The following SLC38A4 variants were observed in gnomAD, a reference collection of about 807,000 sequenced individuals.
SLC38A4 encodes the protein solute carrier family 38 member 4.
In SLC38A4, 20 loss-of-function variants were observed where a neutral mutation model predicts 63.1. That is an observed-to-expected ratio of 0.32 (90% CI 0.22 to 0.46). The LOEUF is 0.46. Among genes scored for constraint, SLC38A4 ranks in the 20% least tolerant of loss-of-function variants. The probability of loss-of-function intolerance (pLI) is 1.00; values close to 1 mark genes in which losing one functional copy is unlikely to be tolerated. For synonymous variants in SLC38A4, 230 were observed against 225.5 expected, an observed-to-expected ratio of 1.02 and a Z score of -0.18; for missense variants, 526 against 663.6, an observed-to-expected ratio of 0.79 and a Z score of 2.28.
intron 2 of SLC38A4, among the ~76,000 whole-genome samples, chr12:46,802,652 T>C (rs548828562): frequency 6.6e-6 from 1 of 152,096 alleles, no homozygotes; most frequent in African/African-American, 2.4e-5. Context: ...AACTATAAAC[T>C]AAATGGCAAT....
At chr12:46,789,632 G>T (rs74474114) in intron 3 of SLC38A4, among the ~76,000 whole-genome samples, 9,388 of 152,192 alleles carry the variant, frequency 0.062, 577 homozygotes, top group East Asian at 0.26. Context: ...ACTGCAAAAT[G>T]TCACAGACTT....
At chr12:46,783,771 A>G (rs1938699287) in intron 7 of SLC38A4, among the ~76,000 whole-genome samples, 2 of 151,972 alleles carry the variant, frequency 1.3e-5, no homozygotes, top group African/African-American at 4.8e-5. Context: ...GGGACTGGGT[A>G]GGAGGTGAGG....
At chr12:46,772,768 GC>G (rs1938445020) in intron 14 of SLC38A4, among the ~76,000 whole-genome samples, 1 of 152,046 alleles carries the variant, frequency 6.6e-6, no homozygotes, top group Admixed American at 6.6e-5. Flanking sequence ...AAGAAAGAGA[GC>G]CCAGTTACCA....
intron 16 of SLC38A4, among the ~76,000 whole-genome samples, chr12:46,767,274 C>T (rs1592172328): frequency 6.6e-6 from 1 of 151,952 alleles, no homozygotes; most frequent in East Asian, 1.9e-4. Context: ...ATAATATACA[C>T]ACACATATAT....
chr12:46,790,462 A>G (rs572671116), intron 3 of SLC38A4, among the ~76,000 whole-genome samples: 25 of 152,246 alleles, frequency 1.6e-4, no homozygotes, highest in African/African-American at 5.8e-4. Context: ...TCTGTAATTA[A>G]TGTACCTGCT....
At chr12:46,827,322 G>A (rs1179877762), upstream of SLC38A4, among the ~76,000 whole-genome samples, 1 of 152,118 alleles carries the variant, frequency 6.6e-6, no homozygotes, top group East Asian at 1.9e-4. Context: ...GCTTTGGGTG[G>A]TAGAAGTAAT....
At chr12:46,815,648 C>G (rs936586055) in intron 1 of SLC38A4, among the ~76,000 whole-genome samples, 1 of 151,702 alleles carries the variant, frequency 6.6e-6, no homozygotes, top group Non-Finnish European at 1.5e-5. Flanking sequence ...TTAAGGGAAT[C>G]TATTCATAAG....
upstream of SLC38A4, among the ~76,000 whole-genome samples, chr12:46,828,999 T>G (rs754610571): frequency 6.6e-6 from 1 of 152,180 alleles, no homozygotes; most frequent in Non-Finnish European, 1.5e-5. Context: ...GTTGTCTTTA[T>G]TTTACTGCTG....
At chr12:46,832,337 T>C (rs1209766188) in exon 1 of SLC38A4, 1 of 152,188 alleles carries the variant, frequency 6.6e-6, no homozygotes, top group Non-Finnish European at 1.5e-5. Flanking sequence ...CCGCCTCTTT[T>C]ACTACCCTTT....
intron 1 of SLC38A4, among the ~76,000 whole-genome samples, chr12:46,805,209 A>G (rs1262434713): frequency 6.6e-6 from 1 of 151,984 alleles, no homozygotes; most frequent in Non-Finnish European, 1.5e-5. Context: ...AAGTATAGTA[A>G]ATAATTATAG....
chr12:46,810,159 G>T (rs1396634520), intron 1 of SLC38A4, among the ~76,000 whole-genome samples: 2 of 152,084 alleles, frequency 1.3e-5, no homozygotes, highest in East Asian at 3.9e-4. Context: ...GCTTTAGAGA[G>T]AGCTACCTTA....
At chr12:46,828,045 C>T (rs895742314), upstream of SLC38A4, among the ~76,000 whole-genome samples, 8 of 152,148 alleles carry the variant, frequency 5.3e-5, no homozygotes, top group African/African-American at 1.4e-4. Context: ...CCTCCCCAGC[C>T]TCCTCCCAAG....
At chr12:46,808,124 A>G (rs747148293) in intron 1 of SLC38A4, among the ~76,000 whole-genome samples, 1 of 152,006 alleles carries the variant, frequency 6.6e-6, no homozygotes, top group Non-Finnish European at 1.5e-5. Flanking sequence ...ATCTTAACAC[A>G]CATACAATAC....
chr12:46,821,992 T>C (rs1013497920), intron 1 of SLC38A4, among the ~76,000 whole-genome samples: 4 of 152,192 alleles, frequency 2.6e-5, no homozygotes, highest in Non-Finnish European at 4.4e-5. Context: ...TGTCAACATA[T>C]AGAAATCTAA....
upstream of SLC38A4, among the ~76,000 whole-genome samples, chr12:46,828,926 A>G (rs1329089515): frequency 6.6e-6 from 1 of 152,158 alleles, no homozygotes; most frequent in Admixed American, 6.5e-5. Context: ...CTCACACCAT[A>G]CTGTGTTATG....
In SLC38A4 at chr12:46,783,272, GATAA is replaced by G. The variant is rs1286497947; in HGVS notation, c.493+1266_493+1269del. On this transcript the variant is annotated intron_variant, in intron 7 of 16. Coordinates refer to ENST00000266579, the MANE Select transcript of SLC38A4 (RefSeq NM_018018.5). ...AGATAGATAGATAGATAGATAGATA[GATAA>G]AGATAGATAGATATGGGCATTGCTA... is the stretch of plus-strand genomic sequence containing the variant. Among the ~76,000 whole-genome samples the G allele has an allele frequency of 3.0e-3, 432 of 142,088 alleles. 5 individuals are homozygous for G. The highest frequency in any genetic ancestry group is 0.011 in the African/African-American group (415 of 38,446). 93.2% of individuals were successfully genotyped at this position (142,088 alleles called of 152,430 possible). A position where few individuals can be genotyped will look rare whatever the true frequency, so the allele number is the denominator to read the frequency against.
intron 16 of SLC38A4, among the ~76,000 whole-genome samples, 186 bp downstream of exon 16, chr12:46,768,124 T>C (rs1449355375): frequency 6.6e-6 from 1 of 152,114 alleles, no homozygotes; most frequent in Non-Finnish European, 1.5e-5. Context: ...ATATTTGATA[T>C]TTGAAGTAGA....
At chr12:46,807,894 C>A (rs946617018) in intron 1 of SLC38A4, among the ~76,000 whole-genome samples, 8 of 148,926 alleles carry the variant, frequency 5.4e-5, no homozygotes, top group Non-Finnish European at 8.9e-5. Flanking sequence ...ATGTTACCCC[C>A]CCCCCCAAAG....
At chr12:46,766,944 A>G (rs1565660517) in intron 16 of SLC38A4, 142 bp from the exon 17 acceptor site, 1 of 579,154 alleles carries the variant, frequency 1.7e-6, no homozygotes, top group Non-Finnish European at 3.1e-6. Flanking sequence ...GGCCTAACCT[A>G]TCAGTCAATT....
Sources: allele counts gnomAD v4.1 joint callset (sites outside exome capture counted in the v4.1 genomes callset), GRCh38; gene constraint gnomAD v4.1.1; transcripts MANE v1.5; gene names NCBI Gene and HGNC (gene_info 2026-07-23, HGNC 2026-07-21).